The following RNF144A variants were observed in gnomAD, a reference collection of about 807,000 sequenced individuals.
RNF144A encodes ring finger protein 144A.
RNF144A carries 11 observed loss-of-function variants against 38.7 expected under a neutral mutation model. The ratio of observed to expected loss-of-function variants is 0.28; its 90% confidence interval spans 0.18 to 0.47. RNF144A has a LOEUF of 0.47. RNF144A is among the 20% of genes least tolerant of loss of function. RNF144A has a pLI of 0.99. For missense variants in RNF144A, 316 were observed against 377.2 expected (o/e 0.84, Z 1.34); for synonymous variants, 149 against 143.9 (o/e 1.04, Z -0.25).
intron 6 of RNF144A, 180 bp downstream of exon 6, chr2:7,020,860 G>A (rs1244080239): frequency 1.6e-6 from 1 of 611,248 alleles, no homozygotes; most frequent in Non-Finnish European, 2.9e-6. Flanking sequence ...ATTTATTTTT[G>A]AGAACTGACT....
chr2:7,019,425 C>T (rs1223213085), intron 5 of RNF144A, among the ~76,000 whole-genome samples: 5 of 152,296 alleles, frequency 3.3e-5, no homozygotes, highest in East Asian at 3.9e-4. Context: ...GGGAGCTGCC[C>T]GGCGGCCAGT....
intron 1 of RNF144A, among the ~76,000 whole-genome samples, chr2:6,920,296 C>G (rs111563741): frequency 0.035 from 5,299 of 152,248 alleles, 284 homozygotes; most frequent in Admixed American, 0.16. Context: ...CCAGGTGGGC[C>G]AGCACCCACC....
chr2:6,974,572 A>G (rs1483533777), intron 2 of RNF144A, among the ~76,000 whole-genome samples: 10 of 149,608 alleles, frequency 6.7e-5, no homozygotes, highest in Admixed American at 2.0e-4. Flanking sequence ...TTTTTTTCTT[A>G]TGGGAAAAAG....
At chr2:7,058,830 GT>G (rs72010794) in intron 6 of RNF144A, among the ~76,000 whole-genome samples, 28 of 151,268 alleles carry the variant, frequency 1.9e-4, no homozygotes, top group African/African-American at 4.4e-4. Context: ...TTGTTAAACA[GT>G]TTTTTTTTCT....
At chr2:7,000,968 G>A (rs1670061752) in intron 3 of RNF144A, among the ~76,000 whole-genome samples, 1 of 151,882 alleles carries the variant, frequency 6.6e-6, no homozygotes, top group Non-Finnish European at 1.5e-5. Context: ...CCAGATGACA[G>A]GATTTTGATA....
intron 6 of RNF144A, among the ~76,000 whole-genome samples, chr2:7,049,570 G>A (rs745830249): frequency 1.3e-5 from 2 of 152,148 alleles, no homozygotes; most frequent in Admixed American, 1.3e-4. Context: ...AGTTTTCAAC[G>A]ACACGAAAAT....
chr2:7,024,437 A>G lies in RNF144A; in HGVS notation c.578A>G (p.Glu193Gly). 1 of 1,613,264 alleles carries G rather than the reference A, an allele frequency of 6.2e-7. No homozygotes were observed. Among genetic ancestry groups the G allele is most frequent in the Non-Finnish European group, 8.5e-7 (1 of 1,179,174 alleles). ...TGCCCCAAGTGCAAAGTCTACATCG[A>G]GCGAGACGAAGGCTGCGCGCAGATG... ...KRCPKCKVYIERDEGCAQMMC... is the reference protein window; with the variant it reads ...KRCPKCKVYIGRDEGCAQMMC... The change falls in exon 7 of 9, where the codon GAG becomes GGG. Residue 193 changes from glutamate to glycine, a missense_variant. By Grantham distance (98) the Glu-to-Gly change is moderately conservative (BLOSUM62 -2). Transcript: ENST00000320892.
chr2:7,055,401 C>T (rs745512175), intron 6 of RNF144A, among the ~76,000 whole-genome samples: 12 of 152,166 alleles, frequency 7.9e-5, no homozygotes, highest in Non-Finnish European at 1.6e-4. Context: ...AACCATTATA[C>T]CACCTTTAGC....
chr2:6,928,032 A>G (rs1017043860), intron 1 of RNF144A, among the ~76,000 whole-genome samples: 11 of 151,974 alleles, frequency 7.2e-5, no homozygotes, highest in Non-Finnish European at 1.2e-4. Context: ...GTGCCATTTC[A>G]CTGTCACTAG....
chr2:7,046,576 C>G (rs558678419), downstream of RNF144A, among the ~76,000 whole-genome samples: 1 of 152,322 alleles, frequency 6.6e-6, no homozygotes, highest in South Asian at 2.1e-4. Context: ...GTTGCTCATG[C>G]AGTTCCACTG....
intron 6 of RNF144A, among the ~76,000 whole-genome samples, chr2:7,066,895 G>A (rs1054580402): frequency 2.6e-5 from 4 of 152,160 alleles, no homozygotes; most frequent in African/African-American, 9.7e-5. Context: ...TCGCTTTCTA[G>A]TTTTAAAAGG....
chr2:6,937,033 GAT>G (rs1665635361), intron 1 of RNF144A, among the ~76,000 whole-genome samples: 1 of 152,116 alleles, frequency 6.6e-6, no homozygotes, highest in African/African-American at 2.4e-5. Context: ...ATTTACTACA[GAT>G]ATTTCTGCTA....
intron 2 of RNF144A, among the ~76,000 whole-genome samples, chr2:6,951,277 GT>G (rs35212186): frequency 0.73 from 105,892 of 145,730 alleles, 39,837 homozygotes; most frequent in Non-Finnish European, 0.83. Flanking sequence ...ATGTATTCAT[GT>G]TTTTTTTTTT....
intron 2 of RNF144A, among the ~76,000 whole-genome samples, chr2:6,990,800 A>G (rs771266): frequency 0.31 from 47,019 of 151,870 alleles, 7,622 homozygotes; most frequent in African/African-American, 0.4. Context: ...TTCATGCTGA[A>G]TAGTTGCTCT....
At chr2:6,961,029 A>C (rs950892007) in intron 2 of RNF144A, among the ~76,000 whole-genome samples, 1 of 151,924 alleles carries the variant, frequency 6.6e-6, no homozygotes, top group African/African-American at 2.4e-5. Flanking sequence ...CTGCTTTGCT[A>C]TTTGAAATGC....
At chr2:7,033,244 C>T (rs1024155298) in intron 8 of RNF144A, among the ~76,000 whole-genome samples, 4 of 152,384 alleles carry the variant, frequency 2.6e-5, no homozygotes, top group East Asian at 1.9e-4. Context: ...AGCCCATGTG[C>T]GGCCCACGTG....
At position 7,042,487 on chromosome 2, in the gene RNF144A, G is replaced by T; in HGVS notation, c.*2727G>T. On this transcript the variant is annotated 3_prime_UTR_variant, in exon 9 of 9. Coordinates refer to ENST00000320892, the MANE Select transcript of RNF144A (RefSeq NM_014746.6). ...TAATCCTGGGGAGTAAGGGGCGAAG[G>T]CCCTTAGACAACCATGGCTGCTGTA... 1.0e-6 allele frequency: 1 copy of T among 985,512 alleles called. No homozygotes were observed. The highest frequency in any genetic ancestry group is 1.2e-6 in the Non-Finnish European group (1 of 829,954). 61.0% of individuals were successfully genotyped at this position (985,512 alleles called of 1,614,324 possible). A position where few individuals can be genotyped will look rare whatever the true frequency, so the allele number is the denominator to read the frequency against.
intron 2 of RNF144A, among the ~76,000 whole-genome samples, chr2:6,955,550 C>G (rs1347854198): frequency 1.3e-5 from 2 of 152,196 alleles, no homozygotes; most frequent in African/African-American, 4.8e-5. Flanking sequence ...TAGAGTTGCT[C>G]CTTCAAGCAA....
chr2:6,949,038 C>T (rs534924070), intron 2 of RNF144A, among the ~76,000 whole-genome samples: 5 of 152,278 alleles, frequency 3.3e-5, no homozygotes, highest in East Asian at 1.9e-4. Context: ...GTAGGCCATG[C>T]GAGGTGACCA....
Sources: allele counts gnomAD v4.1 joint callset (sites outside exome capture counted in the v4.1 genomes callset), GRCh38; gene constraint gnomAD v4.1.1; transcripts MANE v1.5; gene names NCBI Gene and HGNC (gene_info 2026-07-23, HGNC 2026-07-21).